Variants in COL6A6 observed in about 807,000 individuals in gnomAD.
COL6A6 encodes collagen type VI alpha 6 chain.
Under a neutral mutation model 208.6 loss-of-function variants are expected in COL6A6, and 183 were observed. That is an observed-to-expected ratio of 0.88 (90% CI 0.78 to 0.99). The LOEUF (loss-of-function observed/expected upper bound fraction) is 0.99. COL6A6 is among the 50% of genes least tolerant of loss of function. COL6A6 has a pLI of 0.00. For missense variants in COL6A6, 2,816 were observed against 2,815.2 expected (o/e 1.00, Z -0.01); for synonymous variants, 973 against 1,011.8 (o/e 0.96, Z 0.73).
intron 33 of COL6A6, 44 bp from the exon 34 acceptor site, chr3:130,658,632 A>G (rs376951367): frequency 3.3e-5 from 43 of 1,320,964 alleles, no homozygotes; most frequent in Non-Finnish European, 4.4e-5. Flanking sequence ...AGGTTCTTGC[A>G]GCCCTACCCA....
intron 3 of COL6A6, 95 bp downstream of exon 3, chr3:130,563,759 C>T (rs1046405934): frequency 2.5e-6 from 2 of 810,654 alleles, no homozygotes; most frequent in Non-Finnish European, 3.9e-6. Context: ...TTCCTATCCC[C>T]AAAATGGGCT....
chr3:130,659,346 C>A (rs927944068), intron 34 of COL6A6, among the ~76,000 whole-genome samples: 2 of 152,126 alleles, frequency 1.3e-5, no homozygotes, highest in Non-Finnish European at 2.9e-5. Context: ...TCTAATCTTC[C>A]ATTTGAGTGT....
intron 1 of COL6A6, among the ~76,000 whole-genome samples, chr3:130,545,628 AT>A (rs35383651): frequency 0.79 from 120,069 of 151,478 alleles, 48,334 homozygotes; most frequent in Non-Finnish European, 0.86. Flanking sequence ...TAAAGTTTGT[AT>A]TTTTTTGGTA....
chr3:130,537,650 A>C (rs1304635431), intron 1 of COL6A6, among the ~76,000 whole-genome samples: 1 of 152,246 alleles, frequency 6.6e-6, no homozygotes, highest in Non-Finnish European at 1.5e-5. Context: ...CTTTGGGCTT[A>C]GCTGCTGGGA....
At chr3:130,654,390 G>A (rs1241595987) in intron 33 of COL6A6, among the ~76,000 whole-genome samples, 1 of 152,102 alleles carries the variant, frequency 6.6e-6, no homozygotes, top group Non-Finnish European at 1.5e-5. Flanking sequence ...ACTGACACTG[G>A]GTTTGGTTTC....
At chr3:130,657,033 C>A (rs906021139) in intron 33 of COL6A6, among the ~76,000 whole-genome samples, 2 of 152,244 alleles carry the variant, frequency 1.3e-5, no homozygotes, top group Admixed American at 1.3e-4. Flanking sequence ...CGCAGCCAGA[C>A]GGCTGCAACT....
At chr3:130,557,696 T>C (rs1299306996) in intron 1 of COL6A6, among the ~76,000 whole-genome samples, 1 of 152,224 alleles carries the variant, frequency 6.6e-6, no homozygotes, top group African/African-American at 2.4e-5. Flanking sequence ...TTTGTTTCCC[T>C]TATGGGCTCT....
rs551912849 is a variant in COL6A6, at chr3:130,566,950, G to A, written c.1531G>A (p.Gly511Arg). 7 of 1,613,990 alleles carry A rather than the reference G, an allele frequency of 4.3e-6. No homozygotes were observed. The Admixed American group carries it at 5.0e-5, about 12-fold the overall frequency. The stretch of plus-strand genomic sequence containing the variant: ...CATTGAGAATATCAGGCAGATGGGT[G>A]GGAATACAAACACAGGCGCAGCACT... Reference protein sequence around the residue: ...KAIENIRQMGGNTNTGAALNF... With the variant: ...KAIENIRQMGRNTNTGAALNF... Residue 511 changes from glycine (G) to arginine (R), a missense_variant, in exon 5 of 37, where the codon GGG (glycine) becomes AGG (arginine). Coordinates refer to ENST00000358511, the MANE Select transcript of COL6A6 (RefSeq NM_001102608.3).
chr3:130,550,912 G>A lies in COL6A6; in HGVS notation c.-31-9422G>A, dbSNP rs552119219. ...TCAAAAGCCTTTCTCCATCTATTGA[G>A]ATAATCATGTGGTTTTTGTTTTTAG... On this transcript the variant is annotated intron_variant, in intron 1 of 36. Transcript: ENST00000358511. Among the ~76,000 whole-genome samples, 10 of 152,290 alleles carry A rather than the reference G, an allele frequency of 6.6e-5. No homozygotes were observed. The South Asian group carries it at 2.1e-3, about 32-fold the overall frequency.
chr3:130,655,970 C>T (rs569140637), intron 33 of COL6A6, among the ~76,000 whole-genome samples: 8 of 152,288 alleles, frequency 5.3e-5, no homozygotes, highest in Admixed American at 2.6e-4. Context: ...CAGCTCCCTG[C>T]GAGGCTGTGG....
intron 26 of COL6A6, 64 bp from the exon 27 acceptor site, chr3:130,634,526 A>G: frequency 1.4e-6 from 2 of 1,442,040 alleles, no homozygotes; most frequent in African/African-American, 1.4e-5. Context: ...GGTAAATTGA[A>G]AATCAATGTA....
intron 28 of COL6A6, among the ~76,000 whole-genome samples, chr3:130,641,049 C>T (rs940747655): frequency 1.3e-5 from 2 of 152,106 alleles, no homozygotes; most frequent in Admixed American, 6.5e-5. Context: ...GAGAGTCACA[C>T]GGAACTTTTT....
At chr3:130,617,478 A>G (rs777179761) in intron 23 of COL6A6, among the ~76,000 whole-genome samples, 1 of 152,182 alleles carries the variant, frequency 6.6e-6, no homozygotes, top group Non-Finnish European at 1.5e-5. Flanking sequence ...TTACACAGAG[A>G]TATCAAGGTG....
intron 1 of COL6A6, among the ~76,000 whole-genome samples, chr3:130,533,568 A>G (rs186247702): frequency 6.7e-6 from 1 of 149,912 alleles, no homozygotes; most frequent in Non-Finnish European, 1.5e-5. Flanking sequence ...CAGACTTTTT[A>G]AAAAAATAAA....
At chr3:130,641,444 G>C (rs1195464140) in intron 28 of COL6A6, among the ~76,000 whole-genome samples, 1 of 152,140 alleles carries the variant, frequency 6.6e-6, no homozygotes, top group Non-Finnish European at 1.5e-5. Flanking sequence ...ACATCAAAAT[G>C]TTAATGAGGA....
chr3:130,627,180 G>A (rs1292314266), intron 25 of COL6A6, 139 bp from the exon 26 acceptor site: 5 of 677,040 alleles, frequency 7.4e-6, no homozygotes, highest in South Asian at 5.5e-5. Flanking sequence ...TAAAATGTTG[G>A]TGGCCTGCCC....
At chr3:130,647,666 C>T (rs1054319103) in intron 32 of COL6A6, among the ~76,000 whole-genome samples, 2 of 152,224 alleles carry the variant, frequency 1.3e-5, no homozygotes, top group African/African-American at 4.8e-5. Flanking sequence ...GTGGGCAAGG[C>T]CCAGTTGGCC....
chr3:130,637,783 T>A (rs2065201095), intron 28 of COL6A6, among the ~76,000 whole-genome samples: 1 of 152,210 alleles, frequency 6.6e-6, no homozygotes, highest in Admixed American at 6.5e-5. Context: ...TTAACCTGTT[T>A]TATTTTGTGT....
At chr3:130,615,598 A>G (rs2064492530) in intron 23 of COL6A6, among the ~76,000 whole-genome samples, 1 of 152,212 alleles carries the variant, frequency 6.6e-6, no homozygotes, top group Admixed American at 6.5e-5. Context: ...TGCTTCTTCA[A>G]AAAGCATAAA....
Sources: gnomAD v4.1 joint callset for allele counts (sites outside exome capture counted in the v4.1 genomes callset) on GRCh38, gnomAD v4.1.1 for gene constraint, MANE v1.5 for transcripts, NCBI Gene and HGNC (gene_info 2026-07-23, HGNC 2026-07-21) for gene names.